Variants in SAMD12 observed in about 807,000 individuals in gnomAD.
SAMD12 encodes sterile alpha motif domain containing 12.
SAMD12 carries 9 observed loss-of-function variants against 15.0 expected under a neutral mutation model. That is an observed-to-expected ratio of 0.60 (90% CI 0.36 to 1.05). The LOEUF is 1.05. Among genes scored for constraint, SAMD12 ranks in the 50% least tolerant of loss-of-function variants. SAMD12 has a pLI of 0.01. For missense variants in SAMD12, 230 were observed against 234.2 expected (o/e 0.98, Z 0.12); for synonymous variants, 86 against 90.1 (o/e 0.96, Z 0.25).
At chr8:118,351,460 A>AC (rs1197152391) in intron 4 of SAMD12, among the ~76,000 whole-genome samples, 1 of 152,160 alleles carries the variant, frequency 6.6e-6, no homozygotes, top group African/African-American at 2.4e-5. Context: ...CCAAGGTCCT[A>AC]CAGTAGGGAG....
chr8:118,166,564 A>G, the SAMD12 span, among the ~76,000 whole-genome samples: 1 of 152,246 alleles, frequency 6.6e-6, no homozygotes, highest in South Asian at 2.1e-4. Context: ...CAAAAACCTC[A>G]AAGAACTTTA....
chr8:118,582,715 A>C (rs1377063964), intron 1 of SAMD12, among the ~76,000 whole-genome samples: 1 of 152,216 alleles, frequency 6.6e-6, no homozygotes, highest in East Asian at 1.9e-4. Context: ...GGCATACTAT[A>C]CTGGTGTGTA....
At chr8:118,224,166 T>A (rs1183340688) in intron 4 of SAMD12, among the ~76,000 whole-genome samples, 1 of 152,138 alleles carries the variant, frequency 6.6e-6, no homozygotes, top group Non-Finnish European at 1.5e-5. Flanking sequence ...ACGGGTAAGG[T>A]GGATTTGGAT....
intron 4 of SAMD12, among the ~76,000 whole-genome samples, chr8:118,351,294 C>G (rs991753909): frequency 6.6e-6 from 1 of 152,176 alleles, no homozygotes; most frequent in Non-Finnish European, 1.5e-5. Flanking sequence ...CAGTGAGGGA[C>G]GTACCTCTCA....
chr8:118,182,882 T>A, the SAMD12 span, among the ~76,000 whole-genome samples: 1 of 152,210 alleles, frequency 6.6e-6, no homozygotes, highest in Non-Finnish European at 1.5e-5. Context: ...CCAAAGGGAA[T>A]AGGGAAAATA....
chr8:118,520,616 TA>T (rs1353000655), intron 2 of SAMD12, among the ~76,000 whole-genome samples: 3 of 152,162 alleles, frequency 2.0e-5, no homozygotes, highest in African/African-American at 4.8e-5. Context: ...GGCAGAATAT[TA>T]AGAGATAAAG....
rs1827235363 is a variant in SAMD12 at position 118,579,673 on chromosome 8, TTTTTCCTTAAGA to T, written c.192+1030_192+1041del. Among the ~76,000 whole-genome samples the T allele has an allele frequency of 3.3e-5, 5 of 152,248 alleles. No individual in the cohort carries two copies. The South Asian group carries it at 1.0e-3, about 32-fold the overall frequency. On this transcript the variant is annotated intron_variant, in intron 2 of 3. Transcript: ENST00000314727. The stretch of plus-strand genomic sequence containing the variant: ...GTTATTGTACAACAGTAAGGTGACC[TTTTTCCTTAAGA>T]TTTTTCTTAGGTGCTTACAACATTT...
intron 2 of SAMD12, among the ~76,000 whole-genome samples, chr8:118,558,356 G>A (rs1000093005): frequency 1.3e-5 from 2 of 152,016 alleles, no homozygotes; most frequent in Non-Finnish European, 1.5e-5. Context: ...GTAAATTTGT[G>A]AATTTTTCCA....
At position 118,284,638 on chromosome 8, in the gene SAMD12, G is replaced by A. The variant is rs137856475; in HGVS notation, c.434-86906C>T. 1,011 of 230,180 alleles carry A rather than the reference G, an allele frequency of 4.4e-3. 14 individuals are homozygous for A. The highest frequency in any genetic ancestry group is 0.022 in the African/African-American group (957 of 42,820). The allele number at this position is 230,180 out of a possible 1,614,324, so 14.3% of individuals were successfully genotyped here. On this transcript the variant is annotated intron_variant, in intron 4 of 4. Coordinates refer to the SAMD12 transcript ENST00000409003. ...GTTTTCTGGAAAATGGGCTACAGGA[G>A]AATCTTAAAGAAGCAGTGAATTGGC...
At chr8:118,158,748 G>A in the SAMD12 span, among the ~76,000 whole-genome samples, 14 of 152,068 alleles carry the variant, frequency 9.2e-5, no homozygotes, top group South Asian at 4.2e-4. Context: ...CCTCCCCTCC[G>A]GAGCCCATAA....
the SAMD12 span, among the ~76,000 whole-genome samples, chr8:118,172,537 C>G: frequency 1.3e-5 from 2 of 152,188 alleles, no homozygotes; most frequent in Non-Finnish European, 2.9e-5. Context: ...TGAGTTGAAC[C>G]TTGGCCAAAA....
At chr8:118,374,940 T>C (rs1819305526), downstream of SAMD12, among the ~76,000 whole-genome samples, 3 of 152,124 alleles carry the variant, frequency 2.0e-5, no homozygotes, top group Admixed American at 2.0e-4. Context: ...TTTCACTCTG[T>C]TGTTTCCTTT....
intron 1 of SAMD12, 135 bp downstream of exon 1, chr8:118,621,669 G>T: frequency 1.0e-6 from 1 of 961,864 alleles, no homozygotes. Context: ...AGTGCCAAGA[G>T]GTGGAGGAGG....
At chr8:118,415,468 T>TGTGTGA (rs1354663447) in intron 3 of SAMD12, among the ~76,000 whole-genome samples, 1 of 151,600 alleles carries the variant, frequency 6.6e-6, no homozygotes, top group Non-Finnish European at 1.5e-5. Flanking sequence ...TGTGTGTGTG[T>TGTGTGA]GTGTGTGTGT....
chr8:118,354,927 A>G (rs1462125734), intron 4 of SAMD12, among the ~76,000 whole-genome samples: 4 of 152,250 alleles, frequency 2.6e-5, no homozygotes, highest in Non-Finnish European at 4.4e-5. Context: ...GATAATAACC[A>G]TAAATATTTC....
intron 4 of SAMD12, among the ~76,000 whole-genome samples, chr8:118,370,494 CT>C (rs1819035038): frequency 6.6e-6 from 1 of 152,126 alleles, no homozygotes; most frequent in African/African-American, 2.4e-5. Flanking sequence ...CATATAATCA[CT>C]GCAGCACTAC....
intron 4 of SAMD12, among the ~76,000 whole-genome samples, chr8:118,318,266 A>T (rs2130434095): frequency 6.8e-6 from 1 of 147,836 alleles, no homozygotes; most frequent in South Asian, 2.2e-4. Flanking sequence ...AGCTCAATTC[A>T]CAATTGCCAA....
intron 4 of SAMD12, among the ~76,000 whole-genome samples, chr8:118,350,362 A>G (rs1171467937): frequency 1.3e-5 from 2 of 152,166 alleles, no homozygotes; most frequent in South Asian, 4.1e-4. Context: ...AGTGTATGTC[A>G]ATCCTAACTT....
At chr8:118,581,553 A>G (rs1407944072) in intron 1 of SAMD12, among the ~76,000 whole-genome samples, 1 of 152,238 alleles carries the variant, frequency 6.6e-6, no homozygotes, top group Non-Finnish European at 1.5e-5. Context: ...CATCAAGCCC[A>G]GTGGCTTCCA....
Sources: allele counts gnomAD v4.1 joint callset (sites outside exome capture counted in the v4.1 genomes callset), GRCh38; gene constraint gnomAD v4.1.1; transcripts MANE v1.5; gene names NCBI Gene and HGNC (gene_info 2026-07-23, HGNC 2026-07-21).